Variants in NR2F1-AS1 observed in about 807,000 individuals in gnomAD.
The protein encoded by NR2F1-AS1 is NR2F1 antisense RNA 1.
chr5:93,414,451 T>A (rs1425434346), intron 4 of NR2F1-AS1, among the ~76,000 whole-genome samples: 1 of 152,224 alleles, frequency 6.6e-6, no homozygotes, highest in Admixed American at 6.5e-5. Context: ...TAATATATGT[T>A]GCTCAGTCAC....
At chr5:93,410,417 C>G (rs1748829430) in intron 4 of NR2F1-AS1, 1 of 152,318 alleles carries the variant, frequency 6.6e-6, no homozygotes, top group East Asian at 1.9e-4. Flanking sequence ...TATTAGGAAC[C>G]AGGCCGCACA....
At chr5:93,548,096 T>C (rs1012452888) in intron 4 of NR2F1-AS1, among the ~76,000 whole-genome samples, 6 of 152,188 alleles carry the variant, frequency 3.9e-5, no homozygotes, top group African/African-American at 1.4e-4. Flanking sequence ...AAATTCCTTC[T>C]TAAATATTTT....
At chr5:93,482,370 C>T (rs1750619041) in intron 4 of NR2F1-AS1, among the ~76,000 whole-genome samples, 1 of 152,096 alleles carries the variant, frequency 6.6e-6, no homozygotes, top group Non-Finnish European at 1.5e-5. Flanking sequence ...CTCCCCTAGC[C>T]AAGGGAAGCT....
upstream of NR2F1-AS1, among the ~76,000 whole-genome samples, chr5:93,581,714 CTCT>C (rs1753048070): frequency 1.4e-5 from 1 of 69,738 alleles, no homozygotes; most frequent in Non-Finnish European, 2.8e-5. Flanking sequence ...CTCTCTCTCT[CTCT>C]CTCTCTCTCT....
At position 93,579,977 on chromosome 5, in the gene NR2F1-AS1, G is replaced by A. The variant is rs1303616468; in HGVS notation, n.313+490C>T. Among the ~76,000 whole-genome samples, 1 of 152,238 alleles carries A rather than the reference G, an allele frequency of 6.6e-6. No homozygotes were observed. The highest frequency in any genetic ancestry group is 1.5e-5 in the Non-Finnish European group (1 of 68,038). ...CGTTACAAACGGCGTCCGCAGGTGG[G>A]CGGCTGCAGCCAAGCTCGCCAGGTT... On this transcript the variant is annotated intron_variant and non_coding_transcript_variant, in intron 1 of 5. Transcript: ENST00000660523. The surrounding 1 kb of genome is among the most constrained non-coding windows in gnomAD (Gnocchi z 5.1).
At chr5:93,540,139 A>AAAATCATCACCAGTATCG (rs1309368091) in intron 4 of NR2F1-AS1, among the ~76,000 whole-genome samples, 1 of 152,246 alleles carries the variant, frequency 6.6e-6, no homozygotes, top group African/African-American at 2.4e-5. Context: ...CACCAGTATC[A>AAAATCATCACCAGTATCG]TTTCAAAAAT....
intron 4 of NR2F1-AS1, among the ~76,000 whole-genome samples, chr5:93,541,184 T>C (rs1019314205): frequency 3.3e-5 from 5 of 152,144 alleles, no homozygotes; most frequent in Non-Finnish European, 5.9e-5. Context: ...CACATTGAGG[T>C]AGGAGGGGTA....
rs1182437768 is a variant in NR2F1-AS1 at position 93,579,728 on chromosome 5, A to AC, written n.313+738dup. Among the ~76,000 whole-genome samples the AC allele has an allele frequency of 1.4e-5, 2 of 142,820 alleles. No individual in the cohort carries two copies. Among genetic ancestry groups the AC allele is most frequent in the African/African-American group, 5.3e-5 (2 of 37,692 alleles). The allele number at this position is 142,820 out of a possible 152,430, so 93.7% of individuals were successfully genotyped here. On this transcript the variant is annotated intron_variant and non_coding_transcript_variant, in intron 1 of 5. Transcript: ENST00000660523. The surrounding 1 kb of genome is among the most constrained non-coding windows in gnomAD (Gnocchi z 5.1). ...TAATTGAGCCTCTTCCTTTCAACACACCCCCTCTGTCCCCACCCCTGGGAG... is the reference window on the plus strand; with the variant it reads ...TAATTGAGCCTCTTCCTTTCAACACACCCCCCTCTGTCCCCACCCCTGGGAG...
At chr5:93,423,858 C>CCTT (rs1273029933) in intron 4 of NR2F1-AS1, among the ~76,000 whole-genome samples, 1 of 152,096 alleles carries the variant, frequency 6.6e-6, no homozygotes, top group Non-Finnish European at 1.5e-5. Flanking sequence ...ATCTTAAAGG[C>CCTT]CTTCACTTCT....
intron 4 of NR2F1-AS1, among the ~76,000 whole-genome samples, chr5:93,548,484 G>C (rs1752141042): frequency 6.6e-6 from 1 of 152,106 alleles, no homozygotes; most frequent in Non-Finnish European, 1.5e-5. Context: ...ACTGGAGAAT[G>C]GCATTATTTT....
At chr5:93,528,901 G>T (rs1033643444) in intron 4 of NR2F1-AS1, among the ~76,000 whole-genome samples, 1 of 151,832 alleles carries the variant, frequency 6.6e-6, no homozygotes, top group Non-Finnish European at 1.5e-5. Context: ...TTTCTCGGGG[G>T]TGGGGGGCTA....
At chr5:93,582,271 T>TA (rs752563970), upstream of NR2F1-AS1, among the ~76,000 whole-genome samples, 19,219 of 130,962 alleles carry the variant, frequency 0.15, 1,454 homozygotes, top group East Asian at 0.3. Flanking sequence ...AGCCAGGTGA[T>TA]AAAAAAAAAA....
intron 4 of NR2F1-AS1, among the ~76,000 whole-genome samples, chr5:93,512,536 A>C (rs1047303746): frequency 6.6e-6 from 1 of 152,174 alleles, no homozygotes; most frequent in Non-Finnish European, 1.5e-5. Context: ...GCCTAAGTGT[A>C]CAGTGCTTAT....
At chr5:93,563,919 G>T (rs769625817) in intron 1 of NR2F1-AS1, among the ~76,000 whole-genome samples, 2 of 151,368 alleles carry the variant, frequency 1.3e-5, no homozygotes, top group Non-Finnish European at 2.9e-5. Flanking sequence ...TGGCTAAGAC[G>T]GTGAAACCCC....
chr5:93,513,647 C>T (rs566739820), intron 4 of NR2F1-AS1, among the ~76,000 whole-genome samples: 15 of 152,114 alleles, frequency 9.9e-5, no homozygotes, highest in African/African-American at 3.4e-4. Flanking sequence ...ACACTGAGGA[C>T]TACCAGAGGG....
At chr5:93,535,101 A>G (rs1751812724) in intron 4 of NR2F1-AS1, among the ~76,000 whole-genome samples, 1 of 152,104 alleles carries the variant, frequency 6.6e-6, no homozygotes, top group East Asian at 1.9e-4. Flanking sequence ...ATGAGTTACT[A>G]GAGCAAGAGA....
chr5:93,451,279 C>A (rs1267379830), intron 4 of NR2F1-AS1, among the ~76,000 whole-genome samples: 2 of 134,546 alleles, frequency 1.5e-5, no homozygotes, highest in Admixed American at 8.2e-5. Context: ...ATGGAAAATA[C>A]TATCTAAGTC....
intron 4 of NR2F1-AS1, among the ~76,000 whole-genome samples, chr5:93,481,769 T>C (rs1361088968): frequency 1.3e-5 from 2 of 151,972 alleles, no homozygotes; most frequent in African/African-American, 2.4e-5. Context: ...TAGAAACTTT[T>C]CAAGTTCACA....
chr5:93,524,226 C>A (rs1308381247), intron 4 of NR2F1-AS1, among the ~76,000 whole-genome samples: 1 of 151,316 alleles, frequency 6.6e-6, no homozygotes, highest in African/African-American at 2.4e-5. Flanking sequence ...GCATCAAAAG[C>A]CAAATCAATC....
Sources: allele counts gnomAD v4.1 joint callset (sites outside exome capture counted in the v4.1 genomes callset), GRCh38; gene constraint gnomAD v4.1.1; non-coding constraint Gnocchi (gnomAD v3.1); transcripts MANE v1.5; gene names NCBI Gene and HGNC (gene_info 2026-07-23, HGNC 2026-07-21).